Variants in EBF1 observed in about 807,000 individuals in gnomAD.
The protein encoded by EBF1 is transcription factor COE1.
In EBF1, 10 loss-of-function variants were observed where a neutral mutation model predicts 68.4. The observed-to-expected ratio is 0.15, with a 90% confidence interval of 0.09 to 0.25. The LOEUF is 0.25. Ranked by LOEUF, EBF1 falls within the 10% of genes least tolerant of loss-of-function variation. The probability of loss-of-function intolerance (pLI) is 1.00; values close to 1 mark genes in which losing one functional copy is unlikely to be tolerated. For missense variants in EBF1, 509 were observed against 794.4 expected (o/e 0.64, Z 4.32); for synonymous variants, 298 against 299.8 (o/e 0.99, Z 0.06).
intron 10 of EBF1, among the ~76,000 whole-genome samples, chr5:158,732,196 A>T (rs2127547983): frequency 6.6e-6 from 1 of 152,308 alleles, no homozygotes; most frequent in African/African-American, 2.4e-5. Flanking sequence ...TGAATAAAAA[A>T]GACAGTCTGT....
Position 158,713,133 on chromosome 5 carries a change from C to T in EBF1, c.1206G>A (p.Lys402=). The change falls in exon 13 of 16, where the codon AAG becomes AAA. Residue 402 remains lysine, a synonymous_variant. Coordinates refer to ENST00000313708, the MANE Select transcript of EBF1 (RefSeq NM_024007.5). The part of the protein sequence containing the change: ...MPHNNQEIIL[K]RAADIAEALY... ...GGGCCTCGGCAATGTCGGCCGCTCT[C>T]TTCAGAATGATTTCCTGAAAAGTCA... 3 of 1,485,222 alleles carry T rather than the reference C, an allele frequency of 2.0e-6. No homozygotes were observed. Among genetic ancestry groups the T allele is most frequent in the Non-Finnish European group, 2.7e-6 (3 of 1,110,200 alleles). 92.0% of individuals were successfully genotyped at this position (1,485,222 alleles called of 1,614,324 possible). A position where few individuals can be genotyped will look rare whatever the true frequency, so the allele number is the denominator to read the frequency against.
rs186269828 is a variant in EBF1, at chr5:159,025,832, G to T, written c.554+47564C>A. Among the ~76,000 whole-genome samples the T allele has an allele frequency of 8.3e-4, 126 of 152,242 alleles. 1 individual carries two copies. In the Middle Eastern group the frequency reaches 0.01, roughly 12 times the overall value. On this transcript the variant is annotated intron_variant, in intron 6 of 15. Coordinates refer to ENST00000313708, the MANE Select transcript of EBF1 (RefSeq NM_024007.5). ...ACCACCAACATACACCTCTGAATAG[G>T]AGGAATAAGTTTTACCTTTGGAAAA... is the stretch of plus-strand genomic sequence containing the variant.
chr5:158,956,946 G>T (rs1240815744), intron 6 of EBF1, among the ~76,000 whole-genome samples: 2 of 152,032 alleles, frequency 1.3e-5, no homozygotes, highest in Non-Finnish European at 2.9e-5. Context: ...TTTTAGTAGA[G>T]ACCGGGTTTC....
chr5:158,798,323 T>C (rs1779947313), intron 8 of EBF1, among the ~76,000 whole-genome samples: 1 of 152,224 alleles, frequency 6.6e-6, no homozygotes, highest in Admixed American at 6.5e-5. Context: ...GGGTCATTAA[T>C]TGCTGACCCT....
intron 6 of EBF1, among the ~76,000 whole-genome samples, chr5:158,843,696 G>C (rs1790804939): frequency 6.6e-6 from 1 of 152,270 alleles, no homozygotes. Flanking sequence ...TACCCCAGAG[G>C]GAGCCTCAGA....
intron 14 of EBF1, among the ~76,000 whole-genome samples, chr5:158,711,427 T>C (rs1044869121): frequency 3.9e-5 from 6 of 152,232 alleles, no homozygotes; most frequent in African/African-American, 1.4e-4. Context: ...TCTATCCATG[T>C]GTCCGGCATC....
chr5:159,050,181 T>TCTCCTCTCCTCCC, intron 6 of EBF1, among the ~76,000 whole-genome samples: 1 of 130,068 alleles, frequency 7.7e-6, no homozygotes, highest in African/African-American at 3.0e-5. Flanking sequence ...TCTCTCTCTC[T>TCTCCTCTCCTCCC]TCTCTCTTTT....
chr5:158,785,591 G>A (rs1777266520), intron 9 of EBF1, among the ~76,000 whole-genome samples: 1 of 152,158 alleles, frequency 6.6e-6, no homozygotes, highest in Admixed American at 6.6e-5. Flanking sequence ...AAAGCCAGAG[G>A]AGGCATTTAC....
intron 6 of EBF1, among the ~76,000 whole-genome samples, chr5:158,885,996 G>A (rs1372123963): frequency 6.6e-6 from 1 of 152,202 alleles, no homozygotes; most frequent in Non-Finnish European, 1.5e-5. Context: ...GAAGGAGGTT[G>A]TTCTAAGGCA....
chr5:158,834,050 A>G (rs947142331), intron 7 of EBF1, among the ~76,000 whole-genome samples: 2 of 152,214 alleles, frequency 1.3e-5, no homozygotes, highest in Non-Finnish European at 2.9e-5. Context: ...AACTTTATTG[A>G]AGAGATAAGA....
chr5:158,969,833 A>G (rs1755020088), intron 6 of EBF1, among the ~76,000 whole-genome samples: 1 of 140,468 alleles, frequency 7.1e-6, no homozygotes, highest in Non-Finnish European at 1.5e-5. Context: ...AAGACAGAAA[A>G]GAAAGAAAGA....
chr5:158,709,690 CAG>C (rs1325478917), intron 14 of EBF1, among the ~76,000 whole-genome samples: 1 of 152,240 alleles, frequency 6.6e-6, no homozygotes, highest in African/African-American at 2.4e-5. Context: ...CCACCATCCT[CAG>C]AGTTTTCACA....
intron 5 of EBF1, among the ~76,000 whole-genome samples, chr5:159,077,786 G>A (rs979640791): frequency 1.5e-5 from 2 of 130,436 alleles, no homozygotes; most frequent in Non-Finnish European, 3.1e-5. Flanking sequence ...AGGCTGGAGT[G>A]CAGTGGTGTG....
chr5:158,723,400 C>T (rs1762334677), intron 11 of EBF1, among the ~76,000 whole-genome samples: 1 of 152,122 alleles, frequency 6.6e-6, no homozygotes, highest in Non-Finnish European at 1.5e-5. Flanking sequence ...AGCGTAAACA[C>T]ATGCCTCTGT....
chr5:159,069,464 T>C (rs564455717), intron 6 of EBF1, among the ~76,000 whole-genome samples: 46 of 152,216 alleles, frequency 3.0e-4, no homozygotes, highest in Non-Finnish European at 5.6e-4. Flanking sequence ...AGAAATGTTT[T>C]TATAAGACCA....
intron 10 of EBF1, among the ~76,000 whole-genome samples, chr5:158,742,011 C>T (rs536032014): frequency 1.2e-4 from 19 of 152,288 alleles, no homozygotes; most frequent in Middle Eastern, 6.8e-3. Flanking sequence ...CCTAAATCCA[C>T]CGAGCTAATG....
rs17056289 is a variant in EBF1, at chr5:158,835,033, G to A, written c.636+4996C>T. ...AAAGACACTCTTTCACTCACCCTCA[G>A]AGGCAACAGAGACATAAAAATATTT... On this transcript the variant is annotated intron_variant, in intron 7 of 15. Transcript: ENST00000313708. 9.5e-3 allele frequency among the ~76,000 whole-genome samples: 1,452 copies of A among 152,326 alleles called. 27 individuals carry two copies. The highest frequency in any genetic ancestry group is 0.033 in the African/African-American group (1,377 of 41,558).
chr5:159,092,800 T>C (rs969898510), intron 4 of EBF1, among the ~76,000 whole-genome samples: 5 of 152,202 alleles, frequency 3.3e-5, no homozygotes, highest in African/African-American at 4.8e-5. Context: ...CCTTCCACAA[T>C]TGATGATGTT....
chr5:158,729,404 C>G (rs2127541034), intron 11 of EBF1, among the ~76,000 whole-genome samples: 1 of 152,282 alleles, frequency 6.6e-6, no homozygotes, highest in East Asian at 1.9e-4. Context: ...TGGGAAGAAT[C>G]TGGCATTGTA....
Sources: allele counts gnomAD v4.1 joint callset (sites outside exome capture counted in the v4.1 genomes callset), GRCh38; gene constraint gnomAD v4.1.1; transcripts MANE v1.5; gene names NCBI Gene and HGNC (gene_info 2026-07-23, HGNC 2026-07-21).